The following AGMO variants were observed in gnomAD, a reference collection of about 807,000 sequenced individuals.
AGMO encodes the protein glyceryl-ether monooxygenase.
In AGMO, 75 loss-of-function variants were observed where a neutral mutation model predicts 60.2. The ratio of observed to expected loss-of-function variants is 1.25; its 90% CI spans 1.03 to 1.51. The LOEUF (loss-of-function observed/expected upper bound fraction) is 1.51. AGMO is among the 40% of genes most tolerant of loss of function. AGMO has a pLI of 0.00. For missense variants in AGMO, 763 were observed against 525.5 expected (o/e 1.45, Z -4.42); for synonymous variants, 261 against 177.1 (o/e 1.47, Z -3.76).
At chr7:15,293,392 G>A (rs763938763) in intron 12 of AGMO, among the ~76,000 whole-genome samples, 9 of 152,026 alleles carry the variant, frequency 5.9e-5, no homozygotes, top group African/African-American at 1.5e-4. Context: ...TAACTAAACC[G>A]GGCGGGTTAG....
At chr7:15,504,249 T>G (rs1333925680) in intron 3 of AGMO, among the ~76,000 whole-genome samples, 2 of 152,052 alleles carry the variant, frequency 1.3e-5, no homozygotes, top group Non-Finnish European at 2.9e-5. Context: ...TTCTCCTTCC[T>G]TCTTTAGTTG....
chr7:15,500,876 T>C (rs1783367287), intron 3 of AGMO, among the ~76,000 whole-genome samples: 1 of 151,960 alleles, frequency 6.6e-6, no homozygotes, highest in South Asian at 2.1e-4. Flanking sequence ...TCAGAGATTC[T>C]GGCATGTTGT....
At chr7:15,554,805 G>C (rs1037232094) in intron 2 of AGMO, among the ~76,000 whole-genome samples, 1 of 151,978 alleles carries the variant, frequency 6.6e-6, no homozygotes, top group Non-Finnish European at 1.5e-5. Flanking sequence ...TTGAGAATTA[G>C]AAACTAATTA....
At chr7:15,172,564 C>A in the AGMO span, among the ~76,000 whole-genome samples, 6 of 152,094 alleles carry the variant, frequency 3.9e-5, no homozygotes, top group Non-Finnish European at 7.4e-5. Flanking sequence ...ATATTTATTG[C>A]GATGTTCCCT....
intron 12 of AGMO, among the ~76,000 whole-genome samples, chr7:15,240,124 TATA>T (rs1782547648): frequency 6.6e-6 from 1 of 152,124 alleles, no homozygotes; most frequent in Non-Finnish European, 1.5e-5. Flanking sequence ...AAAGGGGTAA[TATA>T]ATGAAATAAA....
chr7:15,144,975 G>A, the AGMO span, among the ~76,000 whole-genome samples: 2 of 152,046 alleles, frequency 1.3e-5, no homozygotes, highest in South Asian at 2.1e-4. Context: ...GACTACAGGC[G>A]CCCGCCGCCA....
chr7:15,466,936 T>C (rs968801184), intron 3 of AGMO, among the ~76,000 whole-genome samples: 1 of 152,058 alleles, frequency 6.6e-6, no homozygotes, highest in Non-Finnish European at 1.5e-5. Flanking sequence ...GGAAAATGAT[T>C]AGTAATGGAC....
At chr7:15,237,159 C>T (rs572328117) in intron 12 of AGMO, among the ~76,000 whole-genome samples, 1 of 152,000 alleles carries the variant, frequency 6.6e-6, no homozygotes, top group Non-Finnish European at 1.5e-5. Context: ...TATATTCACA[C>T]CAGACAGTAG....
chr7:15,262,569 C>T (rs1783305131), intron 12 of AGMO, among the ~76,000 whole-genome samples: 1 of 151,808 alleles, frequency 6.6e-6, no homozygotes, highest in African/African-American at 2.4e-5. Flanking sequence ...AATGCAATTT[C>T]CATCAGAATA....
In AGMO at chr7:15,394,196, G is replaced by A. The variant is rs764399680; in HGVS notation, c.610-17C>T. 31 of 1,532,238 alleles carry A rather than the reference G, an allele frequency of 2.0e-5. No individual in the cohort carries two copies. The African/African-American group carries it at 3.0e-4, about 15-fold the overall frequency. The allele number at this position is 1,532,238 out of a possible 1,614,324, so 94.9% of individuals were successfully genotyped here. A position where few individuals can be genotyped will look rare whatever the true frequency, so the allele number is the denominator to read the frequency against. Reference sequence around the variant, plus strand: ...ATTGATGACCTGTTTAAAACAGAAGGAATATTTATACATGTAGTTATCATT... The same window carrying A: ...ATTGATGACCTGTTTAAAACAGAAGAAATATTTATACATGTAGTTATCATT... On this transcript the variant is annotated splice_polypyrimidine_tract_variant and intron_variant, in intron 5 of 12. Transcript: ENST00000342526.
rs1233462465 is a variant in AGMO, at chr7:15,529,735, ATTCTATATATATAT to A, written c.409+15023_409+15036del. Among the ~76,000 whole-genome samples the A allele has an allele frequency of 9.4e-4, 107 of 113,344 alleles. 2 individuals carry two copies. Among genetic ancestry groups the A allele is most frequent in the African/African-American group, 3.3e-3 (98 of 29,578 alleles). 74.4% of individuals were successfully genotyped at this position (113,344 alleles called of 152,430 possible). A position where few individuals can be genotyped will look rare whatever the true frequency, so the allele number is the denominator to read the frequency against. On this transcript the variant is annotated intron_variant, in intron 3 of 12. Coordinates refer to ENST00000342526, the MANE Select transcript of AGMO (RefSeq NM_001004320.2). Reference sequence around the variant, plus strand: ...TATATATACTATATACTCTATATATATTCTATATATATATTTCTATATATATATTTCTCTATATA... The same window carrying A: ...TATATATACTATATACTCTATATATATTCTATATATATATTTCTCTATATA...
At chr7:15,395,708 T>A (rs1562485318) in intron 5 of AGMO, among the ~76,000 whole-genome samples, 2 of 152,230 alleles carry the variant, frequency 1.3e-5, no homozygotes, top group South Asian at 2.1e-4. Flanking sequence ...TATGAATGTT[T>A]GAAAAAGTTT....
At chr7:15,395,614 GA>G (rs1206645625) in intron 5 of AGMO, among the ~76,000 whole-genome samples, 1 of 151,876 alleles carries the variant, frequency 6.6e-6, no homozygotes, top group African/African-American at 2.4e-5. Context: ...AAAAAACAAA[GA>G]AAAAAGGACA....
At chr7:15,493,428 C>T (rs1375379683) in intron 3 of AGMO, among the ~76,000 whole-genome samples, 33 of 128,216 alleles carry the variant, frequency 2.6e-4, no homozygotes, top group Non-Finnish European at 4.3e-4. Flanking sequence ...GGCTGGAGTG[C>T]AGTGGCGCGA....
chr7:15,531,128 CTG>C (rs1274626515), intron 3 of AGMO, among the ~76,000 whole-genome samples: 13 of 59,800 alleles, frequency 2.2e-4, no homozygotes, highest in South Asian at 5.2e-4. Flanking sequence ...TATATATATT[CTG>C]TATATATTCT....
At chr7:15,411,627 C>T (rs548547916) in intron 5 of AGMO, among the ~76,000 whole-genome samples, 1 of 151,686 alleles carries the variant, frequency 6.6e-6, no homozygotes, top group African/African-American at 2.4e-5. Flanking sequence ...GCAACATATT[C>T]CTTTACACAA....
chr7:15,392,589 A>G (rs1163068797), intron 6 of AGMO, among the ~76,000 whole-genome samples: 1 of 152,170 alleles, frequency 6.6e-6, no homozygotes, highest in Non-Finnish European at 1.5e-5. Flanking sequence ...TCATGAGATC[A>G]GGAGTTTGAA....
the AGMO span, among the ~76,000 whole-genome samples, chr7:15,138,303 G>A: frequency 1.1e-4 from 17 of 152,150 alleles, no homozygotes; most frequent in African/African-American, 9.7e-5. Context: ...AGAAAGTAAT[G>A]GCGAGGTACA....
intron 5 of AGMO, among the ~76,000 whole-genome samples, chr7:15,405,895 G>A (rs979796536): frequency 6.6e-6 from 1 of 151,840 alleles, no homozygotes; most frequent in African/African-American, 2.4e-5. Flanking sequence ...ATTTCAAAAT[G>A]TATAATCTTA....
Sources: allele counts gnomAD v4.1 joint callset (sites outside exome capture counted in the v4.1 genomes callset), GRCh38; gene constraint gnomAD v4.1.1; transcripts MANE v1.5; gene names NCBI Gene and HGNC (gene_info 2026-07-23, HGNC 2026-07-21).